The following SHANK2 variants were observed in gnomAD, a reference collection of about 807,000 sequenced individuals.
SHANK2 encodes SH3 and multiple ankyrin repeat domains 2, also known as SH3 and multiple ankyrin repeat domains protein 2.
SHANK2 carries 43 observed loss-of-function variants against 133.7 expected under a neutral mutation model. The ratio of observed to expected loss-of-function variants is 0.32; its 90% confidence interval spans 0.25 to 0.41. SHANK2 has a LOEUF of 0.41. Among genes scored for constraint, SHANK2 ranks in the 10% least tolerant of loss-of-function variants. The probability of loss-of-function intolerance (pLI) is 1.00; values close to 1 mark genes in which losing one functional copy is unlikely to be tolerated. For synonymous variants in SHANK2, 1,017 were observed against 952.8 expected, an observed-to-expected ratio of 1.07 and a Z score of -1.24; for missense variants, 1,994 against 2,235.8, an observed-to-expected ratio of 0.89 and a Z score of 2.18.
chr11:70,848,918 T>C (rs538712193), intron 11 of SHANK2, among the ~76,000 whole-genome samples: 3 of 152,182 alleles, frequency 2.0e-5, no homozygotes, highest in South Asian at 2.1e-4. Context: ...GGGAGACAAA[T>C]TGAGCACCAT....
chr11:70,944,541 C>T (rs182366516), intron 10 of SHANK2, among the ~76,000 whole-genome samples: 158 of 152,348 alleles, frequency 1.0e-3, no homozygotes, highest in African/African-American at 3.4e-3. Context: ...TTTCCCACTG[C>T]GCTTCCCATA....
chr11:70,691,519 GC>G (rs1945289021), intron 15 of SHANK2, among the ~76,000 whole-genome samples: 1 of 152,172 alleles, frequency 6.6e-6, no homozygotes, highest in African/African-American at 2.4e-5. Context: ...TGGTTGTGAT[GC>G]CTTCCTTTGC....
In SHANK2 at chr11:70,730,079, C is replaced by T. The variant is rs369336415; in HGVS notation, c.1778-31316G>A. Among the ~76,000 whole-genome samples, 4 of 152,000 alleles carry T rather than the reference C, an allele frequency of 2.6e-5. No individual in the cohort carries two copies. In the East Asian group the frequency reaches 5.8e-4, roughly 22 times the overall value. On this transcript the variant is annotated intron_variant, in intron 14 of 25. Coordinates refer to ENST00000601538, the MANE Select transcript of SHANK2 (RefSeq NM_012309.5). ...TGTCGGGCCTGGATGTGTCAATGCA[C>T]GTGAAGCTCTTAGAAGGGCCTTGGA...
intron 1 of SHANK2, among the ~76,000 whole-genome samples, chr11:71,230,336 C>T (rs531576783): frequency 2.0e-5 from 3 of 151,940 alleles, no homozygotes; most frequent in Non-Finnish European, 4.4e-5. Context: ...AATCCCAGCA[C>T]TTTGGAAGGC....
intron 14 of SHANK2, among the ~76,000 whole-genome samples, chr11:70,710,647 GGA>G (rs1379202865): frequency 6.6e-6 from 1 of 152,198 alleles, no homozygotes; most frequent in Non-Finnish European, 1.5e-5. Context: ...AGGGGAAGTC[GGA>G]GAGACTAGAA....
chr11:70,906,972 C>T lies in SHANK2; in HGVS notation c.1108-10405G>A, dbSNP rs371984996. Among the ~76,000 whole-genome samples, 23 of 152,318 alleles carry T rather than the reference C, an allele frequency of 1.5e-4. No homozygotes were observed. The East Asian group carries it at 2.9e-3, about 19-fold the overall frequency. ...ATGCAGGGCCAGGGCCTTTGCAAAT[C>T]GATGTGTATTACCCAGAAGCCCCTG... On this transcript the variant is annotated intron_variant, in intron 10 of 25. Transcript: ENST00000601538.
chr11:70,651,595 G>A (rs1417767015), intron 17 of SHANK2, among the ~76,000 whole-genome samples: 1 of 152,200 alleles, frequency 6.6e-6, no homozygotes, highest in Admixed American at 6.5e-5. Flanking sequence ...TAGCCTTAGA[G>A]AGTAAAGGCC....
intron 17 of SHANK2, among the ~76,000 whole-genome samples, chr11:70,550,914 C>T (rs2059757444): frequency 1.3e-5 from 2 of 152,210 alleles, no homozygotes; most frequent in Admixed American, 1.3e-4. Flanking sequence ...TGGAGAGGAA[C>T]TTGTCTAGCC....
At chr11:70,839,581 T>C (rs181343742) in intron 11 of SHANK2, among the ~76,000 whole-genome samples, 2 of 152,292 alleles carry the variant, frequency 1.3e-5, no homozygotes, top group African/African-American at 4.8e-5. Context: ...TTATACCCCA[T>C]CAGGAAAGGA....
chr11:71,185,210 G>A (rs187400173), intron 2 of SHANK2, among the ~76,000 whole-genome samples: 5 of 151,480 alleles, frequency 3.3e-5, no homozygotes, highest in Admixed American at 2.6e-4. Context: ...ACTCACCTGT[G>A]GCATGACTTC....
intron 17 of SHANK2, among the ~76,000 whole-genome samples, chr11:70,628,530 G>T (rs151252182): frequency 1.3e-5 from 2 of 152,302 alleles, no homozygotes; most frequent in Non-Finnish European, 2.9e-5. Flanking sequence ...CCTTATAGTA[G>T]CTCTGAAATG....
At chr11:70,737,094 C>T (rs782817424) in intron 14 of SHANK2, among the ~76,000 whole-genome samples, 1 of 152,140 alleles carries the variant, frequency 6.6e-6, no homozygotes, top group Non-Finnish European at 1.5e-5. Flanking sequence ...AGTCCCGAGC[C>T]GCGGGCTACA....
intron 8 of SHANK2, among the ~76,000 whole-genome samples, chr11:71,080,503 A>G (rs1243903997): frequency 6.6e-6 from 1 of 152,240 alleles, no homozygotes; most frequent in Non-Finnish European, 1.5e-5. Context: ...CACAGCAACC[A>G]GAGCAGCGGG....
At chr11:71,206,261 C>T (rs548658698) in intron 2 of SHANK2, among the ~76,000 whole-genome samples, 5 of 152,336 alleles carry the variant, frequency 3.3e-5, no homozygotes, top group East Asian at 1.9e-4. Flanking sequence ...GCTGGAACAA[C>T]GCCTGCACGT....
At chr11:70,520,049 AGTCTT>A (rs1202556091) in intron 17 of SHANK2, among the ~76,000 whole-genome samples, 2 of 151,830 alleles carry the variant, frequency 1.3e-5, no homozygotes, top group Non-Finnish European at 2.9e-5. Context: ...CGCCTGGTCT[AGTCTT>A]TGTTTTTAAA....
chr11:70,551,231 C>T (rs1400355567), intron 17 of SHANK2, among the ~76,000 whole-genome samples: 3 of 152,150 alleles, frequency 2.0e-5, no homozygotes, highest in Admixed American at 2.0e-4. Flanking sequence ...GTGGCTCTTT[C>T]AGCTTCAAAG....
At chr11:71,145,648 G>A (rs2135398402) in intron 3 of SHANK2, among the ~76,000 whole-genome samples, 1 of 152,288 alleles carries the variant, frequency 6.6e-6, no homozygotes, top group African/African-American at 2.4e-5. Context: ...CTAACCCCAG[G>A]GCATCTCTTA....
chr11:70,494,988 A>T (rs1179577342), intron 21 of SHANK2, among the ~76,000 whole-genome samples: 7 of 152,070 alleles, frequency 4.6e-5, no homozygotes, highest in Non-Finnish European at 8.8e-5. Flanking sequence ...TCATTCCCCC[A>T]GTGGATGCTA....
intron 17 of SHANK2, chr11:70,634,883 G>T (rs752184876): frequency 6.6e-6 from 1 of 152,166 alleles, no homozygotes; most frequent in Admixed American, 6.5e-5. Context: ...ATAAAAATGG[G>T]TAAAGGACTT....
Sources: allele counts gnomAD v4.1 joint callset (sites outside exome capture counted in the v4.1 genomes callset), GRCh38; gene constraint gnomAD v4.1.1; transcripts MANE v1.5; gene names NCBI Gene and HGNC (gene_info 2026-07-23, HGNC 2026-07-21).